Variants in FSTL5 observed in about 807,000 individuals in gnomAD.
The protein encoded by FSTL5 is follistatin like 5, also known as follistatin-related protein 5.
Under a neutral mutation model 89.1 loss-of-function variants are expected in FSTL5, and 62 were observed. That is an observed-to-expected ratio of 0.70 (90% confidence interval 0.57 to 0.86). FSTL5 has a LOEUF of 0.86. Among genes scored for constraint, FSTL5 ranks in the 40% least tolerant of loss-of-function variants. FSTL5 has a pLI of 0.00. For synonymous variants in FSTL5, 383 were observed against 346.2 expected (o/e 1.11, Z -1.18); for missense variants, 1,057 against 1,001.6 (o/e 1.06, Z -0.75).
rs527747651 is a variant in FSTL5, at chr4:162,025,021, C to G, written c.160+8604G>C. On this transcript the variant is annotated intron_variant, in intron 3 of 15. Transcript: ENST00000306100. ...TGAGAGAATAACGCTTTACTTCCCC[C>G]AAAATAAGGAAAATATCTTCTATAT... 2.0e-5 allele frequency among the ~76,000 whole-genome samples: 3 copies of G among 151,972 alleles called. No homozygotes were observed. The East Asian group carries it at 5.8e-4, about 29-fold the overall frequency.
chr4:162,072,743 A>C (rs1392955883), intron 2 of FSTL5, among the ~76,000 whole-genome samples: 1 of 151,856 alleles, frequency 6.6e-6, no homozygotes, highest in African/African-American at 2.4e-5. Flanking sequence ...CATGGTGCCA[A>C]AATATTTATT....
chr4:161,722,553 C>T (rs897506223), intron 6 of FSTL5, among the ~76,000 whole-genome samples: 1 of 152,098 alleles, frequency 6.6e-6, no homozygotes, highest in Non-Finnish European at 1.5e-5. Flanking sequence ...GTTTCTAGCA[C>T]CTTTGAATAT....
intron 2 of FSTL5, among the ~76,000 whole-genome samples, chr4:162,068,761 C>G (rs1488542228): frequency 6.6e-6 from 1 of 151,826 alleles, no homozygotes; most frequent in Non-Finnish European, 1.5e-5. Context: ...GGGCAACTTA[C>G]AGAGTGGGAG....
At chr4:161,958,519 T>C (rs138481473) in intron 3 of FSTL5, among the ~76,000 whole-genome samples, 97 of 152,296 alleles carry the variant, frequency 6.4e-4, no homozygotes, top group African/African-American at 2.2e-3. Flanking sequence ...TCTTTGTTTA[T>C]TACTTTTTAA....
chr4:161,757,285 C>T (rs1740604092), intron 6 of FSTL5, among the ~76,000 whole-genome samples: 1 of 152,076 alleles, frequency 6.6e-6, no homozygotes, highest in African/African-American at 2.4e-5. Context: ...GTATTTTCAA[C>T]TTACTTAATA....
At chr4:162,025,881 A>G (rs1036868058) in intron 3 of FSTL5, among the ~76,000 whole-genome samples, 1 of 152,134 alleles carries the variant, frequency 6.6e-6, no homozygotes, top group Admixed American at 6.6e-5. Flanking sequence ...TTTATATGAA[A>G]TTTTTACATT....
At chr4:161,560,424 T>A (rs1477737492) in intron 8 of FSTL5, among the ~76,000 whole-genome samples, 3 of 151,946 alleles carry the variant, frequency 2.0e-5, no homozygotes, top group Non-Finnish European at 2.9e-5. Context: ...CTTTCTTCAA[T>A]AATAAATTTT....
At chr4:161,557,707 T>C (rs1386891386) in intron 8 of FSTL5, among the ~76,000 whole-genome samples, 1 of 151,672 alleles carries the variant, frequency 6.6e-6, no homozygotes, top group Non-Finnish European at 1.5e-5. Flanking sequence ...ATTGAACAGA[T>C]TATCATACTA....
At chr4:162,091,138 T>A (rs1730533251) in intron 2 of FSTL5, among the ~76,000 whole-genome samples, 1 of 152,156 alleles carries the variant, frequency 6.6e-6, no homozygotes, top group Non-Finnish European at 1.5e-5. Flanking sequence ...CCAAAATCAT[T>A]TCTTTCAGGT....
intron 2 of FSTL5, among the ~76,000 whole-genome samples, chr4:162,046,311 A>C (rs1738175903): frequency 6.6e-6 from 1 of 152,152 alleles, no homozygotes; most frequent in African/African-American, 2.4e-5. Context: ...GGATGTGAGG[A>C]GCAGCTGCAT....
chr4:161,714,725 C>A (rs568436051), intron 6 of FSTL5, among the ~76,000 whole-genome samples: 65 of 152,238 alleles, frequency 4.3e-4, no homozygotes, highest in African/African-American at 1.5e-3. Flanking sequence ...GATTTTTTTA[C>A]ATACAAGCCA....
chr4:161,674,720 T>C (rs1362279503), intron 6 of FSTL5, among the ~76,000 whole-genome samples: 1 of 152,082 alleles, frequency 6.6e-6, no homozygotes, highest in African/African-American at 2.4e-5. Context: ...GGAGTTAAGG[T>C]CTGTAACTTA....
At chr4:161,768,822 T>C (rs1741108388) in intron 5 of FSTL5, among the ~76,000 whole-genome samples, 1 of 149,196 alleles carries the variant, frequency 6.7e-6, no homozygotes, top group Non-Finnish European at 1.5e-5. Context: ...CCAAAGTCAA[T>C]AGAATAAAAA....
At chr4:162,126,810 T>C (rs989844784) in intron 1 of FSTL5, among the ~76,000 whole-genome samples, 2 of 152,216 alleles carry the variant, frequency 1.3e-5, no homozygotes, top group Admixed American at 6.5e-5. Context: ...TATGCACTTA[T>C]GTATTTACTT....
intron 1 of FSTL5, among the ~76,000 whole-genome samples, chr4:162,153,663 T>TAATATATATATTATATATGTATATAATA (rs200225187): frequency 0.027 from 3,694 of 135,710 alleles, 152 homozygotes; most frequent in Non-Finnish European, 0.032. Context: ...ATGTATATAA[T>TAATATATATATTATATATGTATATAATA]ATATGTATAT....
intron 13 of FSTL5, among the ~76,000 whole-genome samples, chr4:161,464,289 T>C (rs1733675161): frequency 6.6e-6 from 1 of 152,210 alleles, no homozygotes; most frequent in African/African-American, 2.4e-5. Context: ...TCATCCAATA[T>C]GTCAGCCATG....
chr4:161,659,891 A>T lies in FSTL5; in HGVS notation c.728-3397T>A, dbSNP rs146100973. ...AACAGCTTATGCTAGTTATGTACAGAAACTATCTTTGCAACAAATAGCACC... is the reference window on the plus strand; with the variant it reads ...AACAGCTTATGCTAGTTATGTACAGTAACTATCTTTGCAACAAATAGCACC... On this transcript the variant is annotated intron_variant, in intron 6 of 15. Transcript: ENST00000306100. Among the ~76,000 whole-genome samples the T allele has an allele frequency of 9.4e-4, 143 of 152,326 alleles. 2 individuals carry two copies. In the East Asian group the frequency reaches 0.024, roughly 25 times the overall value.
At chr4:161,547,480 G>A (rs930474236) in intron 8 of FSTL5, among the ~76,000 whole-genome samples, 10 of 151,878 alleles carry the variant, frequency 6.6e-5, no homozygotes, top group African/African-American at 1.9e-4. Flanking sequence ...ATATCAAAAT[G>A]TGACAAGGCA....
At chr4:161,806,893 TAGAC>T (rs1417506083) in intron 4 of FSTL5, among the ~76,000 whole-genome samples, 3 of 151,856 alleles carry the variant, frequency 2.0e-5, no homozygotes, top group Non-Finnish European at 4.4e-5. Flanking sequence ...ATTAGATAAA[TAGAC>T]AGATAGATAG....
Sources: gnomAD v4.1 joint callset for allele counts (sites outside exome capture counted in the v4.1 genomes callset) on GRCh38, gnomAD v4.1.1 for gene constraint, MANE v1.5 for transcripts, NCBI Gene and HGNC (gene_info 2026-07-23, HGNC 2026-07-21) for gene names.